PNLIPRP1: variants seen among roughly 807,000 people sequenced by gnomAD.
PNLIPRP1 encodes inactive pancreatic lipase-related protein 1.
Under a neutral mutation model 54.6 loss-of-function variants are expected in PNLIPRP1, and 57 were observed. The ratio of observed to expected loss-of-function variants is 1.04; its 90% CI spans 0.84 to 1.30. The LOEUF is 1.30. Ranked by LOEUF, PNLIPRP1 falls within the 50% of genes most tolerant of loss-of-function variation. The pLI, the probability that PNLIPRP1 is intolerant of heterozygous loss-of-function variation, is 0.00. For synonymous variants in PNLIPRP1, 232 were observed against 208.8 expected, an observed-to-expected ratio of 1.11 and a Z score of -0.96; for missense variants, 567 against 568.5, an observed-to-expected ratio of 1.00 and a Z score of 0.03.
At chr10:116,592,306 T>C (rs1362044265) in intron 3 of PNLIPRP1, 110 bp from the exon 4 acceptor site, 27 of 1,331,536 alleles carry the variant, frequency 2.0e-5, no homozygotes, top group African/African-American at 2.9e-5. Flanking sequence ...AGAAGTGGCT[T>C]TTTGCTAAGC....
chr10:116,597,396 A>G (rs1001649350), intron 6 of PNLIPRP1, among the ~76,000 whole-genome samples: 3 of 152,200 alleles, frequency 2.0e-5, no homozygotes, highest in Admixed American at 2.0e-4. Context: ...AAGGTCATGC[A>G]TCTTGCCCCA....
intron 12 of PNLIPRP1, among the ~76,000 whole-genome samples, chr10:116,608,609 A>G (rs956000419): frequency 1.3e-5 from 2 of 152,254 alleles, no homozygotes; most frequent in African/African-American, 4.8e-5. Context: ...ATGTGTGGTG[A>G]GGATGCAGTT....
intron 11 of PNLIPRP1, among the ~76,000 whole-genome samples, chr10:116,604,934 C>T (rs1407863124): frequency 6.6e-6 from 1 of 152,084 alleles, no homozygotes; most frequent in East Asian, 1.9e-4. Flanking sequence ...CTCAAGTGAT[C>T]CACCCATCTC....
At position 116,600,105 on chromosome 10, in the gene PNLIPRP1, C is replaced by T; in HGVS notation, c.873C>T (p.Ser291=). The T allele has an allele frequency of 2.5e-6, 4 of 1,614,038 alleles. No homozygotes were observed. Among genetic ancestry groups the T allele is most frequent in the South Asian group, 2.2e-5 (2 of 91,084 alleles). The change falls in exon 9 of 13, where the codon AGC becomes AGT. Residue 291 remains serine, a synonymous_variant. Transcript: ENST00000358834. ...HLRSYKYYLE[S]ILNPDGFAAY... is the part of the protein sequence containing the mutation. Reference sequence around the variant, plus strand: ...GAAGCTACAAGTATTACTTGGAAAGCATCCTCAATCCCGATGGGTTTGCTG... The same window carrying T: ...GAAGCTACAAGTATTACTTGGAAAGTATCCTCAATCCCGATGGGTTTGCTG...
chr10:116,600,314 G>C (rs1847812230), intron 9 of PNLIPRP1, 149 bp downstream of exon 9: 1 of 581,622 alleles, frequency 1.7e-6, no homozygotes, highest in Non-Finnish European at 3.1e-6. Flanking sequence ...AGAAAAAAAA[G>C]TAAACAACTT....
intron 1 of PNLIPRP1, 38 bp downstream of exon 1, chr10:116,591,033 C>G: frequency 1.1e-6 from 1 of 874,644 alleles, no homozygotes; most frequent in Non-Finnish European, 1.9e-6. Flanking sequence ...CCTGCTGTGA[C>G]GTACAGGTGA....
intron 6 of PNLIPRP1, among the ~76,000 whole-genome samples, chr10:116,597,270 C>T (rs557588720): frequency 6.6e-6 from 1 of 152,348 alleles, no homozygotes; most frequent in South Asian, 2.1e-4. Flanking sequence ...AGGCATTGTG[C>T]TAAGTGCTAC....
At chr10:116,607,186 A>T (rs1213208065) in intron 12 of PNLIPRP1, among the ~76,000 whole-genome samples, 1 of 152,002 alleles carries the variant, frequency 6.6e-6, no homozygotes, top group Non-Finnish European at 1.5e-5. Context: ...ACAGTATCCA[A>T]AGAGAAAGGC....
chr10:116,607,020 TTAA>T (rs55946265), intron 12 of PNLIPRP1, among the ~76,000 whole-genome samples: 17,275 of 147,050 alleles, frequency 0.12, 1,309 homozygotes, highest in African/African-American at 0.22. Context: ...CCAGTAACAT[TTAA>T]TAATAATAAT....
At position 116,605,466 on chromosome 10, in the gene PNLIPRP1, T is replaced by G. The variant is rs782286060; in HGVS notation, c.1253T>G (p.Phe418Cys). The G allele has an allele frequency of 1.9e-5, 30 of 1,611,994 alleles. No individual in the cohort carries two copies. In the East Asian group the frequency reaches 4.5e-4, roughly 24 times the overall value. ...GTTGGAACAATTGAGAAAGTCAAGT[T>G]TCTTTGGAATAACAATGTGATAAAT... ...LDVGTIEKVK[F>C]LWNNNVINPT... The change falls in exon 12 of 13, where the codon TTT (phenylalanine) becomes TGT (cysteine). Residue 418 changes from phenylalanine to cysteine, a missense_variant. By Grantham distance (205) the Phe-to-Cys change is radical. Transcript: ENST00000358834.
Position 116,594,822 on chromosome 10 carries a change from A to G in PNLIPRP1, c.423A>G (p.Arg141=). The change falls in exon 5 of 13, where the codon CGA becomes CGG. Residue 141 remains arginine, a synonymous_variant. Coordinates refer to ENST00000358834, the MANE Select transcript of PNLIPRP1 (RefSeq NM_006229.4). ...ATYTQAANNV[R]VVGAQVAQML... The stretch of plus-strand genomic sequence containing the variant: ...ACACACAGGCTGCCAACAACGTGCG[A>G]GTGGTGGGCGCCCAGGTGGCCCAGA... 6.2e-7 allele frequency: 1 copy of G among 1,614,090 alleles called. No homozygotes were observed. Among genetic ancestry groups the G allele is most frequent in the Non-Finnish European group, 8.5e-7 (1 of 1,180,036 alleles).
chr10:116,607,478 T>C (rs1391792728), intron 12 of PNLIPRP1, among the ~76,000 whole-genome samples: 1 of 151,720 alleles, frequency 6.6e-6, no homozygotes, highest in Non-Finnish European at 1.5e-5. Context: ...GAGGCTGTGA[T>C]GGAAGGAAGG....
chr10:116,600,619 G>A, intron 9 of PNLIPRP1: 1 of 175,148 alleles, frequency 5.7e-6, no homozygotes, highest in Non-Finnish European at 1.2e-5. Context: ...AAGAATGACA[G>A]GTTAGAGCCT....
chr10:116,603,664 G>C lies in PNLIPRP1; in HGVS notation c.1064-366G>C, dbSNP rs530961586. Among the ~76,000 whole-genome samples, 214 of 152,266 alleles carry C rather than the reference G, an allele frequency of 1.4e-3. 1 individual carries two copies. The highest frequency in any genetic ancestry group is 6.8e-3 in the Middle Eastern group (2 of 294). On this transcript the variant is annotated intron_variant, in intron 10 of 12. Transcript: ENST00000358834. ...TCCCATCACTTTGGGAGGCGGACAC[G>C]GGCGGATCACTTGAGGTCAGGAGTT...
Position 116,591,811 on chromosome 10 carries a change from C to T in PNLIPRP1, c.90C>T (p.Asp30=). 1 of 1,614,204 alleles carries T rather than the reference C, an allele frequency of 6.2e-7. No homozygotes were observed. The highest frequency in any genetic ancestry group is 8.5e-7 in the Non-Finnish European group (1 of 1,180,034). ...ATGAGGACCTCGGGTGCTTTTCTGA[C>T]ACTGAGCCCTGGGGCGGGACAGCAA... The part of the protein sequence containing the change: ...VCYEDLGCFS[D]TEPWGGTAIR... The change falls in exon 3 of 13, where the codon GAC becomes GAT. Residue 30 remains aspartate (D), a synonymous_variant. Transcript: ENST00000358834.
intron 5 of PNLIPRP1, 128 bp downstream of exon 5, chr10:116,594,992 ACT>A (rs2133229873): frequency 1.7e-6 from 2 of 1,189,820 alleles, no homozygotes; most frequent in East Asian, 5.2e-5. Context: ...TACTTCTAAA[ACT>A]CTGAAATTTG....
chr10:116,607,155 A>G (rs1847948802), intron 12 of PNLIPRP1, among the ~76,000 whole-genome samples: 1 of 152,060 alleles, frequency 6.6e-6, no homozygotes, highest in South Asian at 2.1e-4. Flanking sequence ...GAATCTGCCG[A>G]CTAGGATTCC....
chr10:116,608,097 C>T (rs994107954), intron 12 of PNLIPRP1, among the ~76,000 whole-genome samples: 42 of 152,266 alleles, frequency 2.8e-4, no homozygotes, highest in African/African-American at 9.6e-4. Flanking sequence ...CTCAAGTGAT[C>T]CACCTGCCTC....
chr10:116,597,831 T>C lies in PNLIPRP1; in HGVS notation c.578T>C (p.Leu193Ser), dbSNP rs781856032. 3 of 1,614,238 alleles carry C rather than the reference T, an allele frequency of 1.9e-6. No homozygotes were observed. Among genetic ancestry groups the C allele is most frequent in the Non-Finnish European group, 2.5e-6 (3 of 1,180,044 alleles). ...KTPGLSRITGLDPVEASFEST... is the reference protein window; with the variant it reads ...KTPGLSRITGSDPVEASFEST... ...CAGTGCTGATCATCTCTTTTAGGGT[T>C]GGATCCTGTAGAAGCAAGTTTCGAG... Residue 193 changes from leucine (L) to serine (S), a missense_variant, in exon 7 of 13, where the codon TTG (leucine) becomes TCG (serine). By Grantham distance (145) the Leu-to-Ser change is moderately radical (BLOSUM62 -2). Coordinates refer to ENST00000358834, the MANE Select transcript of PNLIPRP1 (RefSeq NM_006229.4).
Sources: gnomAD v4.1 joint callset for allele counts (sites outside exome capture counted in the v4.1 genomes callset) on GRCh38, gnomAD v4.1.1 for gene constraint, MANE v1.5 for transcripts, NCBI Gene and HGNC (gene_info 2026-07-23, HGNC 2026-07-21) for gene names.